Variants in WWOX observed in about 807,000 individuals in gnomAD.
The protein encoded by WWOX is WW domain containing oxidoreductase.
In WWOX, 69 loss-of-function variants were observed where a neutral mutation model predicts 46.2. The observed-to-expected ratio is 1.49, with a 90% CI of 1.23 to 1.82. The LOEUF is 1.82. Among genes scored for constraint, WWOX ranks in the 40% most tolerant of loss-of-function variants. WWOX has a pLI of 0.00. For missense variants in WWOX, 919 were observed against 542.6 expected, an observed-to-expected ratio of 1.69 and a Z score of -6.89; for synonymous variants, 359 against 202.6, an observed-to-expected ratio of 1.77 and a Z score of -6.56.
rs151259948 is a variant in WWOX, at chr16:78,322,230, C to G, written c.517-64630C>G. On this transcript the variant is annotated intron_variant, in intron 5 of 8. Coordinates refer to ENST00000566780, the MANE Select transcript of WWOX (RefSeq NM_016373.4). ...AAAATCCATCTGGATTTTGTTAATG[C>G]TGATTATATAGTTTCTTCTGTTGTT... Among the ~76,000 whole-genome samples the G allele has an allele frequency of 5.9e-5, 9 of 152,204 alleles. No homozygotes were observed. In the East Asian group the frequency reaches 1.2e-3, roughly 20 times the overall value.
intron 8 of WWOX, among the ~76,000 whole-genome samples, chr16:78,796,473 A>T (rs1482535309): frequency 1.3e-5 from 2 of 152,240 alleles, no homozygotes; most frequent in African/African-American, 2.4e-5. Flanking sequence ...ACTGCAAGGG[A>T]TTCTGGGAAA....
At chr16:78,293,693 G>A (rs1387000769) in intron 5 of WWOX, among the ~76,000 whole-genome samples, 1 of 152,010 alleles carries the variant, frequency 6.6e-6, no homozygotes, top group African/African-American at 2.4e-5. Flanking sequence ...TTCCCTAAAA[G>A]GTGGCTGGGT....
At position 78,733,908 on chromosome 16, in the gene WWOX, A is replaced by G. The variant is rs184982545; in HGVS notation, c.1056+301156A>G. Among the ~76,000 whole-genome samples, 38 of 152,154 alleles carry G rather than the reference A, an allele frequency of 2.5e-4. No individual in the cohort carries two copies. In the East Asian group the frequency reaches 5.6e-3, roughly 23 times the overall value. On this transcript the variant is annotated intron_variant, in intron 8 of 8. Transcript: ENST00000566780. ...TACAGAGACCTCATCTCTACAAAAA[A>G]TAAAACAGCTAGGCATAGAGGCACA...
chr16:78,961,438 T>A (rs901474687), intron 8 of WWOX, among the ~76,000 whole-genome samples: 1 of 151,656 alleles, frequency 6.6e-6, no homozygotes. Flanking sequence ...ATGGGATACA[T>A]GGATGGATGG....
At chr16:78,947,042 G>A (rs1167567458) in intron 8 of WWOX, among the ~76,000 whole-genome samples, 1 of 132,148 alleles carries the variant, frequency 7.6e-6, no homozygotes, top group Non-Finnish European at 1.7e-5. Context: ...AAAGGAGTAA[G>A]TTAAAAAAGA....
intron 8 of WWOX, among the ~76,000 whole-genome samples, chr16:78,776,924 G>C (rs2050205562): frequency 6.6e-6 from 1 of 152,156 alleles, no homozygotes; most frequent in Non-Finnish European, 1.5e-5. Context: ...CCCCTAACAT[G>C]TGGGGATTAC....
At chr16:78,936,000 G>C (rs1014831576) in intron 8 of WWOX, among the ~76,000 whole-genome samples, 1 of 152,158 alleles carries the variant, frequency 6.6e-6, no homozygotes, top group African/African-American at 2.4e-5. Context: ...TTAGTTGCTG[G>C]ATGCTGAAGT....
At chr16:79,159,234 T>G (rs2050439019) in intron 8 of WWOX, among the ~76,000 whole-genome samples, 1 of 152,248 alleles carries the variant, frequency 6.6e-6, no homozygotes, top group South Asian at 2.1e-4. Flanking sequence ...GGGCAGCCTC[T>G]GAAACCCTCA....
chr16:78,613,019 G>A (rs746016290), intron 8 of WWOX, among the ~76,000 whole-genome samples: 1 of 152,084 alleles, frequency 6.6e-6, no homozygotes, highest in Non-Finnish European at 1.5e-5. Flanking sequence ...ACACCACTCA[G>A]TACTTCTGGG....
intron 5 of WWOX, among the ~76,000 whole-genome samples, chr16:78,255,877 C>T (rs994202102): frequency 1.3e-5 from 2 of 152,112 alleles, no homozygotes; most frequent in Admixed American, 1.3e-4. Flanking sequence ...GGCACAGTGG[C>T]TCGCGCCTGT....
At chr16:78,377,698 C>T (rs961747497) in intron 5 of WWOX, among the ~76,000 whole-genome samples, 7 of 152,182 alleles carry the variant, frequency 4.6e-5, no homozygotes, top group African/African-American at 1.7e-4. Flanking sequence ...TTTTCGCTCT[C>T]TTATTAGTTT....
chr16:78,944,050 C>T (rs149611192), intron 8 of WWOX, among the ~76,000 whole-genome samples: 2 of 152,278 alleles, frequency 1.3e-5, no homozygotes, highest in East Asian at 3.9e-4. Context: ...AACACAAAAT[C>T]AAGGACGTAT....
chr16:78,486,605 C>T (rs1350548484), intron 8 of WWOX, among the ~76,000 whole-genome samples: 1 of 127,850 alleles, frequency 7.8e-6, no homozygotes, highest in African/African-American at 3.8e-5. Flanking sequence ...GAAACAGTCT[C>T]ACTCTGTCGC....
intron 5 of WWOX, among the ~76,000 whole-genome samples, chr16:78,366,363 GT>G (rs959664643): frequency 2.6e-5 from 4 of 152,170 alleles, no homozygotes; most frequent in African/African-American, 9.7e-5. Flanking sequence ...TCTTCACGTT[GT>G]TTGAGACTGT....
Position 78,933,645 on chromosome 16 carries a change from TC to T in WWOX, c.1057-277961del, listed in dbSNP as rs2045671461. On this transcript the variant is annotated intron_variant, in intron 8 of 8. Transcript: ENST00000566780. ...GAAAGAAGTTTATTGGACTTACAGT[TC>T]CATGTGGCTGGGGAGGCCTCACAAT... Among the ~76,000 whole-genome samples the T allele has an allele frequency of 5.3e-5, 8 of 152,250 alleles. No individual in the cohort carries two copies. In the South Asian group the frequency reaches 1.7e-3, roughly 32 times the overall value.
At chr16:78,193,673 C>A (rs1313414382) in intron 5 of WWOX, among the ~76,000 whole-genome samples, 3 of 137,260 alleles carry the variant, frequency 2.2e-5, no homozygotes, top group Non-Finnish European at 4.8e-5. Context: ...GAGAAGGTTT[C>A]AACACCATAT....
chr16:78,286,023 T>A (rs577416366), intron 5 of WWOX, among the ~76,000 whole-genome samples: 2 of 152,076 alleles, frequency 1.3e-5, no homozygotes, highest in Admixed American at 1.3e-4. Context: ...TTTTTGGGGG[T>A]CCAAAAAGTA....
At chr16:78,581,540 T>TG (rs1376843491) in intron 8 of WWOX, among the ~76,000 whole-genome samples, 57 of 152,222 alleles carry the variant, frequency 3.7e-4, no homozygotes, top group Non-Finnish European at 7.3e-5. Context: ...TACACGTTAA[T>TG]GGTAATGATC....
At chr16:78,819,771 C>G (rs189770285) in intron 8 of WWOX, among the ~76,000 whole-genome samples, 239 of 152,304 alleles carry the variant, frequency 1.6e-3, no homozygotes, top group African/African-American at 5.4e-3. Context: ...AGGCCACAAG[C>G]TCACAGCATT....
Sources: allele counts gnomAD v4.1 joint callset (sites outside exome capture counted in the v4.1 genomes callset), GRCh38; gene constraint gnomAD v4.1.1; transcripts MANE v1.5; gene names NCBI Gene and HGNC (gene_info 2026-07-23, HGNC 2026-07-21).